ZBTB20: variants seen among roughly 807,000 people sequenced by gnomAD.
ZBTB20 encodes the protein zinc finger and BTB domain-containing protein 20.
ZBTB20 carries 9 observed loss-of-function variants against 56.9 expected under a neutral mutation model. That is an observed-to-expected ratio of 0.16 (90% confidence interval 0.10 to 0.28). The LOEUF (loss-of-function observed/expected upper bound fraction) is 0.28. Ranked by LOEUF, ZBTB20 falls within the 10% of genes least tolerant of loss-of-function variation. ZBTB20 has a pLI of 1.00. For synonymous variants in ZBTB20, 417 were observed against 420.7 expected (o/e 0.99, Z 0.11); for missense variants, 655 against 1,003.0 (o/e 0.65, Z 4.69).
chr3:114,495,645 T>G (rs2043208407), intron 7 of ZBTB20, among the ~76,000 whole-genome samples: 1 of 152,072 alleles, frequency 6.6e-6, no homozygotes, highest in African/African-American at 2.4e-5. Flanking sequence ...TATTCCTGGC[T>G]ATAGTCGATT....
chr3:114,726,994 G>A (rs2065355119), intron 5 of ZBTB20, among the ~76,000 whole-genome samples: 1 of 147,226 alleles, frequency 6.8e-6, no homozygotes, highest in Non-Finnish European at 1.5e-5. Context: ...AGAAAGAGTT[G>A]GACGACTATT....
intron 5 of ZBTB20, among the ~76,000 whole-genome samples, chr3:114,768,191 A>C (rs1175074927): frequency 1.3e-5 from 2 of 152,168 alleles, no homozygotes; most frequent in Non-Finnish European, 2.9e-5. Context: ...ATTAAAAATA[A>C]AAAGGTGTTC....
intron 4 of ZBTB20, among the ~76,000 whole-genome samples, chr3:114,850,230 G>A (rs1268582506): frequency 6.6e-6 from 1 of 152,008 alleles, no homozygotes; most frequent in African/African-American, 2.4e-5. Context: ...AAAACATCCT[G>A]TATATAGCAA....
At chr3:115,040,539 G>A (rs974018009) in intron 2 of ZBTB20, among the ~76,000 whole-genome samples, 7 of 152,132 alleles carry the variant, frequency 4.6e-5, no homozygotes, top group African/African-American at 1.7e-4. Flanking sequence ...AGGCATGAAA[G>A]TACATGGTGT....
rs1406764631 is a variant in ZBTB20, at chr3:114,322,302, T to G, written c.*16703A>C. 6.6e-6 allele frequency: 1 copy of G among 152,216 alleles called. No individual in the cohort carries two copies. Among genetic ancestry groups the G allele is most frequent in the African/African-American group, 2.4e-5 (1 of 41,454 alleles). The allele number at this position is 152,216 out of a possible 1,614,324, so 9.4% of individuals were successfully genotyped here. A position where few individuals can be genotyped will look rare whatever the true frequency, so the allele number is the denominator to read the frequency against. The stretch of plus-strand genomic sequence containing the variant: ...GTGTTGTTTATTTTTTTCTATTTTT[T>G]AAACCTCTGATCAAATCCAAAGTCA... On this transcript the variant is annotated 3_prime_UTR_variant, in exon 12 of 12. Transcript: ENST00000675478.
chr3:115,045,097 T>G (rs1199199227), intron 2 of ZBTB20, among the ~76,000 whole-genome samples: 1 of 152,174 alleles, frequency 6.6e-6, no homozygotes, highest in Non-Finnish European at 1.5e-5. Flanking sequence ...TGATAGATGT[T>G]AGCCTTAATG....
intron 6 of ZBTB20, among the ~76,000 whole-genome samples, chr3:114,537,775 G>A (rs755821938): frequency 6.6e-6 from 1 of 152,020 alleles, no homozygotes; most frequent in Non-Finnish European, 1.5e-5. Context: ...AGAAAATGTG[G>A]CATATACACA....
In ZBTB20 at chr3:114,334,341, T is replaced by C. The variant is rs1315119882; in HGVS notation, c.*4664A>G. 6.6e-6 allele frequency: 1 copy of C among 152,218 alleles called. No individual in the cohort carries two copies. The highest frequency in any genetic ancestry group is 2.4e-5 in the African/African-American group (1 of 41,450). 9.4% of individuals were successfully genotyped at this position (152,218 alleles called of 1,614,324 possible). On this transcript the variant is annotated 3_prime_UTR_variant, in exon 12 of 12. Coordinates refer to ENST00000675478, the MANE Select transcript of ZBTB20 (RefSeq NM_001348800.3). ...CCAACAAGGAAGCAACATATGGCTT[T>C]ATTATGTTTTCTCAGGAATCGAAGG...
intron 10 of ZBTB20, among the ~76,000 whole-genome samples, chr3:114,372,036 G>C (rs1046600114): frequency 6.6e-6 from 1 of 152,146 alleles, no homozygotes; most frequent in East Asian, 1.9e-4. Context: ...AAAGCAAGAA[G>C]TCCTTAAAGA....
At chr3:114,908,283 T>C (rs1345976896) in intron 3 of ZBTB20, among the ~76,000 whole-genome samples, 2 of 151,902 alleles carry the variant, frequency 1.3e-5, no homozygotes, top group Non-Finnish European at 2.9e-5. Context: ...TATATAAACA[T>C]CAAATACATA....
intron 6 of ZBTB20, among the ~76,000 whole-genome samples, chr3:114,580,924 T>C (rs1354382013): frequency 4.0e-5 from 6 of 151,876 alleles, no homozygotes; most frequent in Non-Finnish European, 7.4e-5. Flanking sequence ...GCAAGACTTT[T>C]GCCAAACTTG....
rs1413491314 is a variant in ZBTB20, at chr3:115,141,071, G to T, written c.-703+6148C>A. Among the ~76,000 whole-genome samples the T allele has an allele frequency of 3.3e-5, 5 of 152,108 alleles. No individual in the cohort carries two copies. The South Asian group carries it at 6.2e-4, about 19-fold the overall frequency. ...ATATGTAAGTATATCATTACAATCA[G>T]CAGTATTTAGTGCTTTTCTTATATG... On this transcript the variant is annotated intron_variant, in intron 1 of 11. Transcript: ENST00000675478.
At chr3:114,813,475 G>C (rs2072701684) in intron 4 of ZBTB20, among the ~76,000 whole-genome samples, 1 of 152,144 alleles carries the variant, frequency 6.6e-6, no homozygotes, top group South Asian at 2.1e-4. Context: ...AATAGGCTAG[G>C]CATGGTGGCT....
At chr3:114,397,332 T>C (rs1202314657) in intron 7 of ZBTB20, among the ~76,000 whole-genome samples, 1 of 129,188 alleles carries the variant, frequency 7.7e-6, no homozygotes, top group African/African-American at 2.9e-5. Context: ...GCTAGCATCC[T>C]AGTTTAATAA....
In ZBTB20 at chr3:114,612,162, C is replaced by A. The variant is rs115689330; in HGVS notation, c.-295+81366G>T. 4.6e-3 allele frequency among the ~76,000 whole-genome samples: 702 copies of A among 152,274 alleles called. 7 individuals are homozygous for A. Among genetic ancestry groups the A allele is most frequent in the African/African-American group, 0.013 (528 of 41,562 alleles). Reference sequence around the variant, plus strand: ...GACCTTTTATTCCATTATCTTTCAACGTCCAGCTTTTACATCTACAGCTAA... The same window carrying A: ...GACCTTTTATTCCATTATCTTTCAAAGTCCAGCTTTTACATCTACAGCTAA... On this transcript the variant is annotated intron_variant, in intron 6 of 11. Coordinates refer to ENST00000675478, the MANE Select transcript of ZBTB20 (RefSeq NM_001348800.3).
At chr3:115,097,976 A>T (rs902758790) in intron 1 of ZBTB20, among the ~76,000 whole-genome samples, 10 of 152,278 alleles carry the variant, frequency 6.6e-5, no homozygotes, top group African/African-American at 2.2e-4. Context: ...AAAAGAAAAC[A>T]TATACACATT....
intron 10 of ZBTB20, among the ~76,000 whole-genome samples, chr3:114,371,520 G>T (rs141007910): frequency 6.6e-6 from 1 of 152,302 alleles, no homozygotes; most frequent in Non-Finnish European, 1.5e-5. Flanking sequence ...TTCTCTACAA[G>T]ACTCTAAGTC....
intron 4 of ZBTB20, among the ~76,000 whole-genome samples, chr3:114,808,388 T>C (rs1560274309): frequency 6.6e-6 from 1 of 151,952 alleles, no homozygotes; most frequent in Non-Finnish European, 1.5e-5. Flanking sequence ...AGATCAGGAA[T>C]GAGAGAGAAG....
chr3:114,997,275 T>G (rs1479287096), intron 2 of ZBTB20, among the ~76,000 whole-genome samples: 2 of 151,818 alleles, frequency 1.3e-5, no homozygotes, highest in Non-Finnish European at 2.9e-5. Context: ...GACTGCTAGA[T>G]CCACAGTGTA....
Sources: gnomAD v4.1 joint callset for allele counts (sites outside exome capture counted in the v4.1 genomes callset) on GRCh38, gnomAD v4.1.1 for gene constraint, MANE v1.5 for transcripts, NCBI Gene and HGNC (gene_info 2026-07-23, HGNC 2026-07-21) for gene names.